The following ADAT2 variants were observed in gnomAD, a reference collection of about 807,000 sequenced individuals.
ADAT2 encodes adenosine deaminase tRNA specific 2, also known as tRNA-specific adenosine-34 deaminase catalytic subunit ADAT2.
ADAT2 carries 26 observed loss-of-function variants against 25.9 expected under a neutral mutation model. The observed-to-expected ratio is 1.00, with a 90% CI of 0.74 to 1.39. The LOEUF is 1.39. Ranked by LOEUF, ADAT2 falls within the 40% of genes most tolerant of loss-of-function variation. The pLI is 0.00. For synonymous variants in ADAT2, 76 were observed against 86.8 expected (o/e 0.88, Z 0.69); for missense variants, 220 against 244.8 (o/e 0.90, Z 0.68).
Position 143,427,782 on chromosome 6 carries a change from T to C in ADAT2, c.*681A>G, listed in dbSNP as rs1778982481. On this transcript the variant is annotated 3_prime_UTR_variant, in exon 6 of 6. Coordinates refer to ENST00000237283, the MANE Select transcript of ADAT2 (RefSeq NM_182503.3). ...TTTTTGCTCAATAACAATTGTCCCA[T>C]TTATGTCTTTATCTTTTAAGACTAT... 1 of 152,240 alleles carries C rather than the reference T, an allele frequency of 6.6e-6. No homozygotes were observed. The highest frequency in any genetic ancestry group is 2.4e-5 in the African/African-American group (1 of 41,466). 9.4% of individuals were successfully genotyped at this position (152,240 alleles called of 1,614,324 possible). A position where few individuals can be genotyped will look rare whatever the true frequency, so the allele number is the denominator to read the frequency against.
rs1397117181 is a variant in ADAT2, at chr6:143,436,256, A to G, written c.202-2275T>C. 4 of 219,982 alleles carry G rather than the reference A, an allele frequency of 1.8e-5. No individual in the cohort carries two copies. Among genetic ancestry groups the G allele is most frequent in the Non-Finnish European group, 2.9e-5 (3 of 103,766 alleles). The allele number at this position is 219,982 out of a possible 1,614,324, so 13.6% of individuals were successfully genotyped here. ...GCTGAACTCCCCCAGCAGATGTCTG[A>G]TGCTAAGAACATGATGGCTGCCTAT... On this transcript the variant is annotated intron_variant, in intron 2 of 5. Coordinates refer to ENST00000237283, the MANE Select transcript of ADAT2 (RefSeq NM_182503.3). The surrounding 1 kb of genome is among the most constrained non-coding windows in gnomAD (Gnocchi z 4.1).
Position 143,443,792 on chromosome 6 carries a change from T to C in ADAT2, c.97-5098A>G, listed in dbSNP as rs139540708. ...GTTGCAGTGAGCCCAGATTGTGCCA[T>C]TGCATTCCAGCCTGGGCGACAAAGT... On this transcript the variant is annotated intron_variant, in intron 1 of 5. Coordinates refer to ENST00000237283, the MANE Select transcript of ADAT2 (RefSeq NM_182503.3). Among the ~76,000 whole-genome samples the C allele has an allele frequency of 5.3e-5, 8 of 150,872 alleles. No individual in the cohort carries two copies. In the East Asian group the frequency reaches 1.2e-3, roughly 22 times the overall value.
At chr6:143,443,714 C>A (rs1779523018) in intron 1 of ADAT2, among the ~76,000 whole-genome samples, 1 of 151,756 alleles carries the variant, frequency 6.6e-6, no homozygotes, top group Non-Finnish European at 1.5e-5. Context: ...GCCTGTAATC[C>A]TAGCTACTTG....
chr6:143,443,090 A>G (rs1466819984), intron 1 of ADAT2, among the ~76,000 whole-genome samples: 1 of 152,122 alleles, frequency 6.6e-6, no homozygotes, highest in African/African-American at 2.4e-5. Context: ...AATTCATTTC[A>G]TTTACAAGCC....
Position 143,444,395 on chromosome 6 carries a change from G to A in ADAT2, c.97-5701C>T, listed in dbSNP as rs1184409845. ...CAAAGCCCCATGGAAGTGAGTTGAG[G>A]GGAACTCCTTTACAACAATTAACAT... On this transcript the variant is annotated intron_variant, in intron 1 of 5. Coordinates refer to ENST00000237283, the MANE Select transcript of ADAT2 (RefSeq NM_182503.3). The surrounding 1 kb of genome is among the most constrained non-coding windows in gnomAD (Gnocchi z 4.3). Among the ~76,000 whole-genome samples, 1 of 145,042 alleles carries A rather than the reference G, an allele frequency of 6.9e-6. No individual in the cohort carries two copies. Among genetic ancestry groups the A allele is most frequent in the Non-Finnish European group, 1.5e-5 (1 of 65,182 alleles).
In ADAT2 at chr6:143,432,236, T is replaced by C. The variant is rs1486809735; in HGVS notation, c.459+269A>G. On this transcript the variant is annotated intron_variant, in intron 4 of 5. Coordinates refer to ENST00000237283, the MANE Select transcript of ADAT2 (RefSeq NM_182503.3). This position sits in a 1 kb window ranked among gnomAD's most constrained non-coding sequence, Gnocchi z 4.4. ...GTGTCTTCAGGCATACCTAACGGTG[T>C]TGGTGAAGAGTGTTCGGAGTCAGCT... 7.2e-6 allele frequency among the ~76,000 whole-genome samples: 1 copy of C among 138,334 alleles called. No homozygotes were observed. Among genetic ancestry groups the C allele is most frequent in the Non-Finnish European group, 1.6e-5 (1 of 61,720 alleles). The allele number at this position is 138,334 out of a possible 152,430, so 90.8% of individuals were successfully genotyped here. A position where few individuals can be genotyped will look rare whatever the true frequency, so the allele number is the denominator to read the frequency against.
At chr6:143,449,375 CA>C (rs1338887327) in intron 1 of ADAT2, among the ~76,000 whole-genome samples, 1 of 152,164 alleles carries the variant, frequency 6.6e-6, no homozygotes, top group Non-Finnish European at 1.5e-5. Context: ...TCTTTTTAAA[CA>C]TGTAGATGTT....
rs985884347 is a variant in ADAT2 at position 143,446,882 on chromosome 6, T to C, written c.96+3681A>G. Among the ~76,000 whole-genome samples the C allele has an allele frequency of 6.6e-6, 1 of 152,208 alleles. No homozygotes were observed. The highest frequency in any genetic ancestry group is 1.5e-5 in the Non-Finnish European group (1 of 68,032). On this transcript the variant is annotated intron_variant, in intron 1 of 5. Transcript: ENST00000237283. This position sits in a 1 kb window ranked among gnomAD's most constrained non-coding sequence, Gnocchi z 5.0. ...TATAACATGGCCCACATGAAAACAC[T>C]GTGCATAGCATAGTATCTGGAACAC...
At chr6:143,438,504 C>A in intron 2 of ADAT2, 86 bp downstream of exon 2, 1 of 1,045,584 alleles carries the variant, frequency 9.6e-7, no homozygotes, top group Non-Finnish European at 1.5e-6. Context: ...TATATTCAGT[C>A]TCACCTTCAC....
At chr6:143,435,452 A>G (rs1235061645) in intron 2 of ADAT2, among the ~76,000 whole-genome samples, 2 of 152,150 alleles carry the variant, frequency 1.3e-5, no homozygotes, top group Non-Finnish European at 1.5e-5. Context: ...TGCTGTAGTT[A>G]TAGAGTAATC....
Position 143,436,463 on chromosome 6 carries a change from C to T in ADAT2, c.201+2127G>A, listed in dbSNP as rs764935335. 16 of 270,126 alleles carry T rather than the reference C, an allele frequency of 5.9e-5. No homozygotes were observed. The highest frequency in any genetic ancestry group is 1.1e-4 in the Non-Finnish European group (15 of 131,732). The allele number at this position is 270,126 out of a possible 1,614,324, so 16.7% of individuals were successfully genotyped here. A position where few individuals can be genotyped will look rare whatever the true frequency, so the allele number is the denominator to read the frequency against. On this transcript the variant is annotated intron_variant, in intron 2 of 5. Coordinates refer to ENST00000237283, the MANE Select transcript of ADAT2 (RefSeq NM_182503.3). The surrounding 1 kb of genome is among the most constrained non-coding windows in gnomAD (Gnocchi z 4.1). Reference sequence around the variant, plus strand: ...ATCCCATCCGCAGGACTAAAAACGTCCACCACTTTCATCAGTAACAACACG... The same window carrying T: ...ATCCCATCCGCAGGACTAAAAACGTTCACCACTTTCATCAGTAACAACACG...
rs1184839655 is a variant in ADAT2 at position 143,442,071 on chromosome 6, AAACC to A, written c.97-3381_97-3378del. On this transcript the variant is annotated intron_variant, in intron 1 of 5. Transcript: ENST00000237283. The surrounding 1 kb of genome is among the most constrained non-coding windows in gnomAD (Gnocchi z 4.6). The stretch of plus-strand genomic sequence containing the variant: ...TTGGGCATTTATCCCAGAGAAATGA[AAACC>A]TATGCTCACACAATGTATGTCTGTG... The A allele has an allele frequency of 3.3e-5, 5 of 152,252 alleles. No individual in the cohort carries two copies. The highest frequency in any genetic ancestry group is 7.3e-5 in the Non-Finnish European group (5 of 68,038). 9.4% of individuals were successfully genotyped at this position (152,252 alleles called of 1,614,324 possible). A position where few individuals can be genotyped will look rare whatever the true frequency, so the allele number is the denominator to read the frequency against.
At chr6:143,435,643 C>A (rs1244843460) in intron 2 of ADAT2, among the ~76,000 whole-genome samples, 1 of 152,108 alleles carries the variant, frequency 6.6e-6, no homozygotes, top group African/African-American at 2.4e-5. Context: ...GAATTCTACT[C>A]CTAAATAAGT....
Position 143,432,884 on chromosome 6 carries a change from T to C in ADAT2, c.353-273A>G, listed in dbSNP as rs1415258095. On this transcript the variant is annotated intron_variant, in intron 3 of 5. Coordinates refer to ENST00000237283, the MANE Select transcript of ADAT2 (RefSeq NM_182503.3). This position sits in a 1 kb window ranked among gnomAD's most constrained non-coding sequence, Gnocchi z 4.4. ...TCACAGTTCAGGGCTCTCTCTGCTC[T>C]TTCCTAAATCACTTTTTCAGAATCA... is the stretch of plus-strand genomic sequence containing the variant. Among the ~76,000 whole-genome samples, 1 of 152,236 alleles carries C rather than the reference T, an allele frequency of 6.6e-6. No individual in the cohort carries two copies. The highest frequency in any genetic ancestry group is 1.5e-5 in the Non-Finnish European group (1 of 68,050).
chr6:143,443,810 G>C (rs1048024740), intron 1 of ADAT2, among the ~76,000 whole-genome samples: 5 of 146,726 alleles, frequency 3.4e-5, no homozygotes, highest in African/African-American at 1.3e-4. Context: ...CAGCCTGGGC[G>C]ACAAAGTGAA....
At chr6:143,433,214 G>T (rs933973088) in intron 3 of ADAT2, among the ~76,000 whole-genome samples, 2 of 152,126 alleles carry the variant, frequency 1.3e-5, no homozygotes, top group African/African-American at 2.4e-5. Flanking sequence ...GAACTAAAAA[G>T]CTGAGTTTTT....
intron 1 of ADAT2, among the ~76,000 whole-genome samples, chr6:143,445,712 T>C (rs1347696560): frequency 6.6e-6 from 1 of 152,176 alleles, no homozygotes; most frequent in Non-Finnish European, 1.5e-5. Flanking sequence ...AGTATGTTCC[T>C]GGAAGGCAAG....
In ADAT2 at chr6:143,424,381, A is replaced by C. The variant is rs1301470769; in HGVS notation, c.*4082T>G. 1 of 152,254 alleles carries C rather than the reference A, an allele frequency of 6.6e-6. No individual in the cohort carries two copies. Among genetic ancestry groups the C allele is most frequent in the Non-Finnish European group, 1.5e-5 (1 of 68,046 alleles). The allele number at this position is 152,254 out of a possible 1,614,324, so 9.4% of individuals were successfully genotyped here. Reference sequence around the variant, plus strand: ...AACAAGGCGCTATACTACTTTTAAAAAAGATTTAAGTAATTTTTTCAAGAG... The same window carrying C: ...AACAAGGCGCTATACTACTTTTAAACAAGATTTAAGTAATTTTTTCAAGAG... On this transcript the variant is annotated 3_prime_UTR_variant, in exon 6 of 6. Transcript: ENST00000237283. The surrounding 1 kb of genome is among the most constrained non-coding windows in gnomAD (Gnocchi z 4.8).
At position 143,442,516 on chromosome 6, in the gene ADAT2, A is replaced by ACACACACACACAC. The variant is rs1779493323; in HGVS notation, c.97-3823_97-3822insGTGTGTGTGTGTG. 8.9e-6 allele frequency among the ~76,000 whole-genome samples: 1 copy of ACACACACACACAC among 112,520 alleles called. No individual in the cohort carries two copies. Among genetic ancestry groups the ACACACACACACAC allele is most frequent in the African/African-American group, 3.3e-5 (1 of 30,426 alleles). 73.8% of individuals were successfully genotyped at this position (112,520 alleles called of 152,430 possible). A position where few individuals can be genotyped will look rare whatever the true frequency, so the allele number is the denominator to read the frequency against. The stretch of plus-strand genomic sequence containing the variant: ...ACACACACACACACACACACGTACA[A>ACACACACACACAC]ATAAAACTGATGACATCTTAATAAG... On this transcript the variant is annotated intron_variant, in intron 1 of 5. Transcript: ENST00000237283. The surrounding 1 kb of genome is among the most constrained non-coding windows in gnomAD (Gnocchi z 4.6).
Sources: allele counts gnomAD v4.1 joint callset (sites outside exome capture counted in the v4.1 genomes callset), GRCh38; gene constraint gnomAD v4.1.1; non-coding constraint Gnocchi (gnomAD v3.1); transcripts MANE v1.5; gene names NCBI Gene and HGNC (gene_info 2026-07-23, HGNC 2026-07-21).